The following PABPC4L variants were observed in gnomAD, a reference collection of about 807,000 sequenced individuals.
PABPC4L encodes poly(A) binding protein cytoplasmic 4 like.
For synonymous variants in PABPC4L, 169 were observed against 164.1 expected, an observed-to-expected ratio of 1.03 and a Z score of -0.23; for missense variants, 452 against 451.4, an observed-to-expected ratio of 1.00 and a Z score of -0.01.
chr4:134,079,132 C>G, the PABPC4L span, among the ~76,000 whole-genome samples: 1 of 151,188 alleles, frequency 6.6e-6, no homozygotes, highest in African/African-American at 2.4e-5. Flanking sequence ...CCACCACGCC[C>G]AGCTAATTTT....
the PABPC4L span, among the ~76,000 whole-genome samples, chr4:134,076,419 G>A: frequency 3.9e-5 from 6 of 152,132 alleles, no homozygotes; most frequent in South Asian, 4.1e-4. Flanking sequence ...AGGTGAAGCC[G>A]AAGTAGGGCC....
the PABPC4L span, among the ~76,000 whole-genome samples, chr4:133,956,347 G>T: frequency 6.6e-6 from 1 of 152,152 alleles, no homozygotes; most frequent in South Asian, 2.1e-4. Context: ...GGAAGGAGAT[G>T]CATTGAACAC....
At chr4:134,195,049 A>G (rs1211771241), downstream of PABPC4L, among the ~76,000 whole-genome samples, 3 of 151,764 alleles carry the variant, frequency 2.0e-5, no homozygotes, top group East Asian at 1.9e-4. Context: ...AATCTATACA[A>G]TATAAATGTC....
At chr4:134,060,252 A>G in the PABPC4L span, among the ~76,000 whole-genome samples, 1 of 152,088 alleles carries the variant, frequency 6.6e-6, no homozygotes, top group East Asian at 2.0e-4. Context: ...TACATAAACT[A>G]GAAAGGCTGT....
the PABPC4L span, among the ~76,000 whole-genome samples, chr4:133,964,776 G>A: frequency 6.6e-6 from 1 of 152,038 alleles, no homozygotes; most frequent in South Asian, 2.1e-4. Context: ...GTTGCTTTAT[G>A]ATTAAAACTC....
At chr4:133,982,134 C>A in the PABPC4L span, among the ~76,000 whole-genome samples, 1 of 151,952 alleles carries the variant, frequency 6.6e-6, no homozygotes, top group Non-Finnish European at 1.5e-5. Flanking sequence ...TGAACTACTT[C>A]CTATAAAAAC....
At chr4:134,012,127 A>G in the PABPC4L span, among the ~76,000 whole-genome samples, 1 of 152,110 alleles carries the variant, frequency 6.6e-6, no homozygotes, top group Non-Finnish European at 1.5e-5. Context: ...TGTTGCCCCA[A>G]ACAAGTTTAA....
the PABPC4L span, among the ~76,000 whole-genome samples, chr4:133,980,960 C>G: frequency 1.3e-5 from 2 of 152,028 alleles, no homozygotes; most frequent in Non-Finnish European, 1.5e-5. Context: ...GAGTTCGAGA[C>G]CAACCTGGCC....
At chr4:134,021,030 T>G in the PABPC4L span, among the ~76,000 whole-genome samples, 1 of 152,256 alleles carries the variant, frequency 6.6e-6, no homozygotes, top group South Asian at 2.1e-4. Context: ...GAACTAGGAA[T>G]ATAGCAATTA....
chr4:134,110,074 T>C, the PABPC4L span, among the ~76,000 whole-genome samples: 1 of 152,022 alleles, frequency 6.6e-6, no homozygotes, highest in East Asian at 1.9e-4. Context: ...CTTTTCTACC[T>C]GAGGAAAATA....
chr4:134,121,286 T>C, the PABPC4L span, among the ~76,000 whole-genome samples: 5 of 151,552 alleles, frequency 3.3e-5, no homozygotes, highest in Admixed American at 6.6e-5. Context: ...GTTTATATTA[T>C]CTTTTTTTAT....
chr4:134,065,470 T>C, the PABPC4L span, among the ~76,000 whole-genome samples: 1 of 152,094 alleles, frequency 6.6e-6, no homozygotes, highest in Non-Finnish European at 1.5e-5. Context: ...TTTGTTTAAG[T>C]TACTTGTAGA....
At chr4:134,050,443 G>A in the PABPC4L span, among the ~76,000 whole-genome samples, 26 of 152,018 alleles carry the variant, frequency 1.7e-4, no homozygotes, top group South Asian at 4.1e-4. Flanking sequence ...AGTGGCTCAC[G>A]CCTGTAATCC....
At chr4:134,195,510 G>T (rs908935652), downstream of PABPC4L, among the ~76,000 whole-genome samples, 1 of 151,768 alleles carries the variant, frequency 6.6e-6, no homozygotes, top group Admixed American at 6.6e-5. Context: ...TGCTATTAGT[G>T]TTTGGCAAAA....
chr4:134,190,234 A>G, the PABPC4L span, among the ~76,000 whole-genome samples: 1 of 152,102 alleles, frequency 6.6e-6, no homozygotes, highest in African/African-American at 2.4e-5. Flanking sequence ...CTAATTTTGG[A>G]TATAGTGGTT....
chr4:134,068,384 C>T, the PABPC4L span, among the ~76,000 whole-genome samples: 5 of 152,226 alleles, frequency 3.3e-5, no homozygotes, highest in Non-Finnish European at 7.4e-5. Flanking sequence ...AGACTTTTCT[C>T]CTTCCCTTTA....
At chr4:134,143,686 CAATT>C in the PABPC4L span, among the ~76,000 whole-genome samples, 2 of 150,878 alleles carry the variant, frequency 1.3e-5, no homozygotes, top group African/African-American at 4.8e-5. Flanking sequence ...AGTTCTAAGC[CAATT>C]AGAGTTTATA....
downstream of PABPC4L, among the ~76,000 whole-genome samples, chr4:134,191,765 T>C (rs963245308): frequency 2.0e-4 from 31 of 151,852 alleles, no homozygotes; most frequent in Admixed American, 1.3e-4. Context: ...AATATTTATA[T>C]TAAAAAAGAG....
At chr4:134,017,015 C>T in the PABPC4L span, among the ~76,000 whole-genome samples, 1 of 152,166 alleles carries the variant, frequency 6.6e-6, no homozygotes, top group Admixed American at 6.5e-5. Flanking sequence ...CCACCGCGGT[C>T]ATTTCTTCCC....
Sources: gnomAD v4.1 joint callset for allele counts (sites outside exome capture counted in the v4.1 genomes callset) on GRCh38, gnomAD v4.1.1 for gene constraint, MANE v1.5 for transcripts, NCBI Gene and HGNC (gene_info 2026-07-23, HGNC 2026-07-21) for gene names.